SP3: variants seen among roughly 807,000 people sequenced by gnomAD.
SP3 encodes the protein transcription factor Sp3.
SP3 carries 10 observed loss-of-function variants against 70.3 expected under a neutral mutation model. That is an observed-to-expected ratio of 0.14 (90% CI 0.09 to 0.24). The LOEUF (loss-of-function observed/expected upper bound fraction) is 0.24. Among genes scored for constraint, SP3 ranks in the 10% least tolerant of loss-of-function variants. The pLI is 1.00. For synonymous variants in SP3, 402 were observed against 333.5 expected (o/e 1.21, Z -2.24); for missense variants, 825 against 914.6 (o/e 0.90, Z 1.26).
chr2:173,963,582 G>A (rs1013775122), intron 3 of SP3, among the ~76,000 whole-genome samples, 179 bp downstream of exon 3: 5 of 152,148 alleles, frequency 3.3e-5, no homozygotes, highest in African/African-American at 1.2e-4. Flanking sequence ...GAGAAAGCCT[G>A]GGCTGGCTTC....
intron 4 of SP3, among the ~76,000 whole-genome samples, chr2:173,932,111 T>A (rs1184821690): frequency 1.3e-5 from 2 of 152,238 alleles, no homozygotes; most frequent in Non-Finnish European, 2.9e-5. Context: ...TTTCTAAGCT[T>A]TTGACTTAAA....
chr2:173,926,352 T>C (rs1559095246), intron 4 of SP3, among the ~76,000 whole-genome samples: 5 of 152,212 alleles, frequency 3.3e-5, no homozygotes, highest in African/African-American at 1.2e-4. Context: ...ATAATCTTAT[T>C]CTCGGTTTTC....
In SP3 at chr2:173,918,647, T is replaced by C. The variant is rs781269537; in HGVS notation, c.1778A>G (p.Lys593Arg). The C allele has an allele frequency of 9.9e-6, 16 of 1,613,748 alleles. No individual in the cohort carries two copies. Among genetic ancestry groups the C allele is most frequent in the South Asian group, 2.2e-5 (2 of 91,068 alleles). ...GGTGCAAGCTACCCTCCGAAGTCTT[T>C]TTCCTTCTTGATGTTGTTGGTCCCC... Reference protein sequence around the residue: ...EEGDQQHQEGKRLRRVACTCP... With the variant: ...EEGDQQHQEGRRLRRVACTCP... Residue 593 changes from lysine to arginine, a missense_variant, in exon 5 of 7, where the codon AAA becomes AGA. Transcript: ENST00000310015.
At chr2:173,938,740 C>A (rs148251549) in intron 4 of SP3, among the ~76,000 whole-genome samples, 1 of 152,208 alleles carries the variant, frequency 6.6e-6, no homozygotes, top group Non-Finnish European at 1.5e-5. Flanking sequence ...AAGGCAGTAT[C>A]TGGGCTAAGT....
At chr2:173,927,555 G>A (rs193113642) in intron 4 of SP3, among the ~76,000 whole-genome samples, 55 of 152,228 alleles carry the variant, frequency 3.6e-4, no homozygotes, top group Non-Finnish European at 7.1e-4. Context: ...TGGGATTACA[G>A]GAATGAGCCA....
chr2:173,913,365 G>T, intron 5 of SP3, 99 bp from the exon 6 acceptor site: 1 of 890,218 alleles, frequency 1.1e-6, no homozygotes, highest in Non-Finnish European at 1.5e-6. Context: ...TTAAATAGAA[G>T]ACATTATCAT....
intron 3 of SP3, 82 bp from the exon 4 acceptor site, chr2:173,956,314 CCTA>C: frequency 1.4e-6 from 2 of 1,408,698 alleles, no homozygotes; most frequent in East Asian, 2.3e-5. Flanking sequence ...TGGTATAAAT[CCTA>C]CTACCTGAAA....
At chr2:173,931,684 T>C (rs1440185029) in intron 4 of SP3, among the ~76,000 whole-genome samples, 3 of 152,180 alleles carry the variant, frequency 2.0e-5, no homozygotes, top group Non-Finnish European at 4.4e-5. Context: ...TCAATGATCT[T>C]AGCTTCCGGA....
chr2:173,918,967 G>C (rs1449017567), intron 4 of SP3, among the ~76,000 whole-genome samples, 182 bp from the exon 5 acceptor site: 3 of 152,082 alleles, frequency 2.0e-5, no homozygotes, highest in African/African-American at 7.2e-5. Context: ...ACTAGTTGGA[G>C]AGTAATCTCC....
Position 173,963,742 on chromosome 2 carries a change from G to A in SP3, c.279+19C>T. On this transcript the variant is annotated intron_variant, in intron 3 of 6. Coordinates refer to ENST00000310015, the MANE Select transcript of SP3 (RefSeq NM_003111.5). ...CGGGCGCCCGGCCTCGGCGGGGGCG[G>A]GCCGCGCGCGGGACTTACCGCTCCG... The A allele has an allele frequency of 1.0e-6, 1 of 1,002,180 alleles. No homozygotes were observed. The highest frequency in any genetic ancestry group is 1.7e-5 in the African/African-American group (1 of 57,324). 62.1% of individuals were successfully genotyped at this position (1,002,180 alleles called of 1,614,324 possible). A position where few individuals can be genotyped will look rare whatever the true frequency, so the allele number is the denominator to read the frequency against.
chr2:173,904,839 G>C lies in SP3; in HGVS notation c.*5102C>G, dbSNP rs1181448125. 1.3e-5 allele frequency among the ~76,000 whole-genome samples: 2 copies of C among 152,078 alleles called. No individual in the cohort carries two copies. Among genetic ancestry groups the C allele is most frequent in the Non-Finnish European group, 1.5e-5 (1 of 68,038 alleles). The stretch of plus-strand genomic sequence containing the variant: ...TTGTTGTCGATTAATCGGAGGCTTA[G>C]ACTTTTTTTTGTGGGGGAAGGATGG... On this transcript the variant is annotated 3_prime_UTR_variant, in exon 7 of 7. Transcript: ENST00000310015.
At chr2:173,937,692 ACATTCTCAAAACC>A (rs1690245089) in intron 4 of SP3, among the ~76,000 whole-genome samples, 1 of 152,228 alleles carries the variant, frequency 6.6e-6, no homozygotes, top group Admixed American at 6.5e-5. Context: ...GCTAAAACTC[ACATTCTCAAAACC>A]TTTTTACTCT....
At chr2:173,951,910 A>C (rs1690720641) in intron 4 of SP3, among the ~76,000 whole-genome samples, 1 of 152,234 alleles carries the variant, frequency 6.6e-6, no homozygotes, top group African/African-American at 2.4e-5. Flanking sequence ...AGCACATTAC[A>C]TTAAAATACA....
intron 4 of SP3, among the ~76,000 whole-genome samples, chr2:173,935,152 T>C (rs1690174424): frequency 6.6e-6 from 1 of 152,184 alleles, no homozygotes; most frequent in South Asian, 2.1e-4. Context: ...GAGAACTGAC[T>C]GAGCCCAGGA....
chr2:173,957,202 T>C (rs1373237472), intron 3 of SP3, among the ~76,000 whole-genome samples: 1 of 152,184 alleles, frequency 6.6e-6, no homozygotes, highest in Non-Finnish European at 1.5e-5. Context: ...CACAGTTAAA[T>C]GACTGAATTC....
intron 4 of SP3, among the ~76,000 whole-genome samples, chr2:173,943,161 C>T (rs1424779575): frequency 6.6e-6 from 1 of 152,154 alleles, no homozygotes; most frequent in African/African-American, 2.4e-5. Context: ...CTTTTAAATA[C>T]ATAAATTATA....
Position 173,956,186 on chromosome 2 carries a change from C to A in SP3, c.326G>T (p.Trp109Leu). Residue 109 changes from tryptophan (W) to leucine (L), a missense_variant, in exon 4 of 7, where the codon TGG (tryptophan) becomes TTG (leucine). This residue lies in a region of SP3 where 678 missense variants were observed against 651.6 expected (regional missense o/e 1.04). Coordinates refer to ENST00000310015, the MANE Select transcript of SP3 (RefSeq NM_003111.5). Reference sequence around the variant, plus strand: ...TGTAGGTGTGGCTGACAAAACCTCCCATCGGTTTGGTGCTCCTCCTAACTG... The same window carrying A: ...TGTAGGTGTGGCTGACAAAACCTCCAATCGGTTTGGTGCTCCTCCTAACTG... ...SAQLGGAPNR[W>L]EVLSATPTTI... 6.2e-7 allele frequency: 1 copy of A among 1,613,774 alleles called. No individual in the cohort carries two copies. Among genetic ancestry groups the A allele is most frequent in the Non-Finnish European group, 8.5e-7 (1 of 1,179,810 alleles).
At chr2:173,954,852 A>G (rs1349193625) in intron 4 of SP3, 21 bp downstream of exon 4, 1 of 1,598,026 alleles carries the variant, frequency 6.3e-7, no homozygotes, top group South Asian at 1.1e-5. Context: ...TATTTATGGC[A>G]TGACATAACT....
chr2:173,942,364 A>T (rs1018672458), intron 4 of SP3, among the ~76,000 whole-genome samples: 1 of 152,156 alleles, frequency 6.6e-6, no homozygotes, highest in Non-Finnish European at 1.5e-5. Context: ...TCAGAAGTTC[A>T]AGACCAGCCT....
Sources: gnomAD v4.1 joint callset for allele counts (sites outside exome capture counted in the v4.1 genomes callset) on GRCh38, gnomAD v4.1.1 for gene constraint, gnomAD v4.1.1 regional missense constraint, MANE v1.5 for transcripts, NCBI Gene and HGNC (gene_info 2026-07-23, HGNC 2026-07-21) for gene names.